The following PARVA variants were observed in gnomAD, a reference collection of about 807,000 sequenced individuals.
PARVA encodes alpha-parvin.
A neutral mutation model predicts 52.6 loss-of-function variants in PARVA; 25 were observed. That is an observed-to-expected ratio of 0.48 (90% CI 0.35 to 0.66). The LOEUF is 0.66. PARVA is among the 30% of genes least tolerant of loss of function. PARVA has a pLI of 0.01. For missense variants in PARVA, 373 were observed against 450.9 expected (o/e 0.83, Z 1.56); for synonymous variants, 185 against 179.1 (o/e 1.03, Z -0.26).
chr11:12,507,120 T>G (rs932465982), intron 6 of PARVA, among the ~76,000 whole-genome samples: 1 of 152,184 alleles, frequency 6.6e-6, no homozygotes, highest in African/African-American at 2.4e-5. Context: ...CTAAGCCAGA[T>G]AGACTCTTGG....
At chr11:12,459,929 T>C (rs1055800812) in intron 1 of PARVA, among the ~76,000 whole-genome samples, 2 of 152,178 alleles carry the variant, frequency 1.3e-5, no homozygotes, top group African/African-American at 4.8e-5. Context: ...TGCTCAAATA[T>C]CACCTCCTTT....
At chr11:12,492,418 A>G (rs1294503692) in intron 4 of PARVA, among the ~76,000 whole-genome samples, 2 of 152,202 alleles carry the variant, frequency 1.3e-5, no homozygotes, top group Non-Finnish European at 2.9e-5. Context: ...AGTTTCCTGG[A>G]AGAATAAAAC....
intron 3 of PARVA, among the ~76,000 whole-genome samples, chr11:12,474,749 AC>A (rs1940985096): frequency 6.6e-6 from 1 of 151,994 alleles, no homozygotes; most frequent in Non-Finnish European, 1.5e-5. Flanking sequence ...TACTAAAAAT[AC>A]AAAAAGTAGC....
At chr11:12,389,549 G>T (rs2134952125) in intron 1 of PARVA, among the ~76,000 whole-genome samples, 1 of 152,324 alleles carries the variant, frequency 6.6e-6, no homozygotes, top group Non-Finnish European at 1.5e-5. Context: ...GCTGAGTGCT[G>T]CAGTAGAAGC....
intron 1 of PARVA, among the ~76,000 whole-genome samples, chr11:12,382,016 C>T (rs190102735): frequency 1.2e-4 from 18 of 152,260 alleles, no homozygotes; most frequent in East Asian, 3.9e-4. Context: ...CTTTTAACTG[C>T]GGTACACAAT....
chr11:12,396,920 T>C (rs1284649612), intron 1 of PARVA, among the ~76,000 whole-genome samples: 1 of 117,044 alleles, frequency 8.5e-6, no homozygotes, highest in African/African-American at 3.7e-5. Context: ...TTTCCTTTCA[T>C]GTACTTGTTT....
At chr11:12,485,682 T>C (rs1350646029) in intron 4 of PARVA, among the ~76,000 whole-genome samples, 1 of 151,900 alleles carries the variant, frequency 6.6e-6, no homozygotes. Flanking sequence ...CCTTATAGAA[T>C]TTCAAATACT....
At chr11:12,513,258 ATC>A (rs1941525120) in intron 8 of PARVA, 39 bp from the exon 9 acceptor site, 2 of 1,598,386 alleles carry the variant, frequency 1.3e-6, no homozygotes, top group Non-Finnish European at 1.7e-6. Flanking sequence ...CCTGCCAGGG[ATC>A]AGCTCTTGTG....
intron 1 of PARVA, among the ~76,000 whole-genome samples, chr11:12,424,761 G>C (rs1197052117): frequency 6.6e-6 from 1 of 152,086 alleles, no homozygotes; most frequent in Non-Finnish European, 1.5e-5. Flanking sequence ...TTCTGATTTT[G>C]AGTTCTTTTG....
chr11:12,426,712 T>G (rs1296118075), intron 1 of PARVA, among the ~76,000 whole-genome samples: 1 of 152,156 alleles, frequency 6.6e-6, no homozygotes, highest in African/African-American at 2.4e-5. Context: ...GGCCAGGGTA[T>G]CACCAGGTTG....
At chr11:12,383,222 T>C (rs939883675) in intron 1 of PARVA, among the ~76,000 whole-genome samples, 2 of 152,232 alleles carry the variant, frequency 1.3e-5, no homozygotes, top group African/African-American at 4.8e-5. Flanking sequence ...CTGTTGGACA[T>C]GGCCCTCCTG....
At chr11:12,384,923 T>C (rs1337093166) in intron 1 of PARVA, among the ~76,000 whole-genome samples, 1 of 152,128 alleles carries the variant, frequency 6.6e-6, no homozygotes, top group Non-Finnish European at 1.5e-5. Context: ...GGGAAGACTT[T>C]GTGCAGAGGA....
intron 1 of PARVA, among the ~76,000 whole-genome samples, chr11:12,450,240 T>C (rs1182149050): frequency 1.3e-5 from 2 of 152,230 alleles, no homozygotes; most frequent in Non-Finnish European, 2.9e-5. Context: ...TATTGACTCA[T>C]TTCATCTTTG....
intron 8 of PARVA, among the ~76,000 whole-genome samples, chr11:12,512,036 T>C (rs996881627): frequency 3.3e-5 from 5 of 152,200 alleles, no homozygotes; most frequent in African/African-American, 7.2e-5. Context: ...CTAGGAAGTA[T>C]GCTAAAATAT....
intron 1 of PARVA, among the ~76,000 whole-genome samples, chr11:12,453,636 A>ATAAG (rs1940654853): frequency 6.6e-6 from 1 of 152,212 alleles, no homozygotes; most frequent in Non-Finnish European, 1.5e-5. Flanking sequence ...TGATGTGCAC[A>ATAAG]TAAGTTTTTG....
intron 1 of PARVA, among the ~76,000 whole-genome samples, chr11:12,468,864 A>T (rs925762562): frequency 9.2e-5 from 14 of 152,198 alleles, no homozygotes; most frequent in African/African-American, 3.4e-4. Flanking sequence ...GCCTTTCTTT[A>T]GAATGAAGGA....
chr11:12,534,301 C>G lies in PARVA; in HGVS notation c.*6376C>G, dbSNP rs1941809879. 6.6e-6 allele frequency among the ~76,000 whole-genome samples: 1 copy of G among 152,154 alleles called. No individual in the cohort carries two copies. The highest frequency in any genetic ancestry group is 1.5e-5 in the Non-Finnish European group (1 of 68,046). On this transcript the variant is annotated 3_prime_UTR_variant, in exon 13 of 13. Coordinates refer to ENST00000334956, the MANE Select transcript of PARVA (RefSeq NM_018222.5). ...AAATTCCAGAAATATGCTTGGAAATCCCCGCTTGAAATCTCCTTGGTTGGA... is the reference window on the plus strand; with the variant it reads ...AAATTCCAGAAATATGCTTGGAAATGCCCGCTTGAAATCTCCTTGGTTGGA...
At chr11:12,471,594 C>T (rs946938542) in intron 1 of PARVA, among the ~76,000 whole-genome samples, 1 of 10,398 alleles carries the variant, frequency 9.6e-5, no homozygotes, top group African/African-American at 1.0e-4. Flanking sequence ...CCTTAGCAAA[C>T]TAACAGGAGC....
At chr11:12,498,038 T>C (rs563501944) in intron 5 of PARVA, among the ~76,000 whole-genome samples, 6 of 151,930 alleles carry the variant, frequency 3.9e-5, no homozygotes, top group South Asian at 2.1e-4. Flanking sequence ...TTTATTACTA[T>C]TATTATTTTT....
Sources: allele counts gnomAD v4.1 joint callset (sites outside exome capture counted in the v4.1 genomes callset), GRCh38; gene constraint gnomAD v4.1.1; transcripts MANE v1.5; gene names NCBI Gene and HGNC (gene_info 2026-07-23, HGNC 2026-07-21).